Variants in IMPG1 observed in about 807,000 individuals in gnomAD.
IMPG1 encodes interphotoreceptor matrix proteoglycan of 150 kDa.
In IMPG1, 85 loss-of-function variants were observed where a neutral mutation model predicts 92.0. The ratio of observed to expected loss-of-function variants is 0.92; its 90% CI spans 0.78 to 1.11. The LOEUF is 1.11. Among genes scored for constraint, IMPG1 ranks in the 50% least tolerant of loss-of-function variants. The probability of loss-of-function intolerance (pLI) is 0.00; values close to 1 mark genes in which losing one functional copy is unlikely to be tolerated. For synonymous variants in IMPG1, 367 were observed against 334.1 expected, an observed-to-expected ratio of 1.10 and a Z score of -1.08; for missense variants, 1,022 against 956.0, an observed-to-expected ratio of 1.07 and a Z score of -0.91.
At chr6:75,930,682 G>A (rs192141687) in intron 15 of IMPG1, among the ~76,000 whole-genome samples, 90 of 152,180 alleles carry the variant, frequency 5.9e-4, no homozygotes, top group African/African-American at 8.2e-4. Context: ...AACCCTTGCC[G>A]GGAAGCCTAG....
At chr6:75,976,636 G>T (rs1364068328) in intron 12 of IMPG1, among the ~76,000 whole-genome samples, 1 of 152,132 alleles carries the variant, frequency 6.6e-6, no homozygotes, top group Admixed American at 6.5e-5. Flanking sequence ...CCTTGGCCAG[G>T]TGCGGTGTCT....
intron 12 of IMPG1, among the ~76,000 whole-genome samples, chr6:75,995,124 T>C (rs1276981908): frequency 1.3e-5 from 2 of 152,216 alleles, no homozygotes; most frequent in African/African-American, 4.8e-5. Context: ...TCAGAATTTA[T>C]GTTGGTTTTA....
At chr6:75,927,563 A>G (rs976946976) in intron 15 of IMPG1, among the ~76,000 whole-genome samples, 1 of 152,128 alleles carries the variant, frequency 6.6e-6, no homozygotes, top group Non-Finnish European at 1.5e-5. Flanking sequence ...AGTCTGTCTG[A>G]AGTAGCTCAT....
chr6:76,056,065 A>G (rs1784115678), intron 1 of IMPG1, among the ~76,000 whole-genome samples: 2 of 151,944 alleles, frequency 1.3e-5, no homozygotes, highest in African/African-American at 4.8e-5. Flanking sequence ...TTGCTTATGA[A>G]TATGAGTGTA....
At chr6:76,012,200 T>C (rs767423529) in intron 7 of IMPG1, among the ~76,000 whole-genome samples, 3 of 152,150 alleles carry the variant, frequency 2.0e-5, no homozygotes, top group Non-Finnish European at 2.9e-5. Context: ...AGGCCTGTTA[T>C]AATATTTTAT....
intron 10 of IMPG1, among the ~76,000 whole-genome samples, chr6:76,004,605 A>G (rs1177074016): frequency 2.0e-5 from 3 of 152,170 alleles, no homozygotes; most frequent in Non-Finnish European, 1.5e-5. Flanking sequence ...TTTGCCATTT[A>G]CTGAACCTAC....
chr6:76,053,556 G>A (rs1302888426), intron 1 of IMPG1, among the ~76,000 whole-genome samples: 1 of 152,188 alleles, frequency 6.6e-6, no homozygotes, highest in Non-Finnish European at 1.5e-5. Flanking sequence ...GAGACATAAT[G>A]ATTTGTGCCA....
intron 3 of IMPG1, 39 bp downstream of exon 3, chr6:76,034,580 TCG>T: frequency 6.2e-7 from 1 of 1,603,508 alleles, no homozygotes; most frequent in Non-Finnish European, 8.5e-7. Flanking sequence ...TGGGAACTGT[TCG>T]TGCAGTGTTC....
chr6:76,062,034 C>T (rs1395446407), intron 1 of IMPG1, among the ~76,000 whole-genome samples: 1 of 152,124 alleles, frequency 6.6e-6, no homozygotes, highest in Non-Finnish European at 1.5e-5. Flanking sequence ...GTCTTTAAAT[C>T]ATTGTATATT....
chr6:76,054,406 T>C (rs1784087440), intron 1 of IMPG1, among the ~76,000 whole-genome samples: 1 of 152,102 alleles, frequency 6.6e-6, no homozygotes, highest in Non-Finnish European at 1.5e-5. Context: ...CCATGGAATA[T>C]TTGGGACATA....
intron 12 of IMPG1, among the ~76,000 whole-genome samples, chr6:75,958,707 G>GT (rs1257339325): frequency 6.6e-6 from 1 of 151,932 alleles, no homozygotes. Flanking sequence ...TTCTCGTGCT[G>GT]TTTTTTCCGG....
Position 75,997,318 on chromosome 6 carries a change from C to T in IMPG1, c.1291+5600G>A, listed in dbSNP as rs375942631. Among the ~76,000 whole-genome samples, 75 of 152,348 alleles carry T rather than the reference C, an allele frequency of 4.9e-4. 1 individual carries two copies. The highest frequency in any genetic ancestry group is 1.7e-3 in the African/African-American group (70 of 41,576). ...AATATTGACCACTGTTGCCTAAACT[C>T]AGTTCGGCTGAGTTGTTCTTAAAAC... On this transcript the variant is annotated intron_variant, in intron 12 of 16. Transcript: ENST00000369950.
intron 12 of IMPG1, among the ~76,000 whole-genome samples, chr6:76,001,834 A>C (rs148793297): frequency 6.6e-5 from 10 of 152,368 alleles, no homozygotes; most frequent in African/African-American, 2.4e-4. Flanking sequence ...TAATGCAGCA[A>C]TAAATAACCA....
intron 1 of IMPG1, among the ~76,000 whole-genome samples, chr6:76,064,049 C>T (rs1216216467): frequency 6.6e-6 from 1 of 152,170 alleles, no homozygotes; most frequent in African/African-American, 2.4e-5. Context: ...GGGGACTACT[C>T]ATCTCCCTAC....
At chr6:76,009,528 A>G (rs941343464) in intron 8 of IMPG1, among the ~76,000 whole-genome samples, 8 of 152,228 alleles carry the variant, frequency 5.3e-5, no homozygotes, top group African/African-American at 1.9e-4. Context: ...ATTAATGGTT[A>G]CAATTTTGCC....
At chr6:76,041,796 C>A in intron 2 of IMPG1, 97 bp downstream of exon 2, 2 of 748,508 alleles carry the variant, frequency 2.7e-6, no homozygotes, top group East Asian at 2.6e-5. Flanking sequence ...GGCTAAATGA[C>A]AGAACTGGAA....
chr6:75,980,751 T>C (rs1167995458), intron 12 of IMPG1, among the ~76,000 whole-genome samples: 4 of 152,218 alleles, frequency 2.6e-5, no homozygotes, highest in Non-Finnish European at 5.9e-5. Flanking sequence ...ACTCGGGCTG[T>C]CTTCCTTGCT....
intron 2 of IMPG1, among the ~76,000 whole-genome samples, chr6:76,041,617 G>A (rs1783843382): frequency 1.3e-5 from 2 of 152,130 alleles, no homozygotes; most frequent in South Asian, 4.1e-4. Context: ...AAAAAATAAA[G>A]GGGTAAAATC....
intron 10 of IMPG1, among the ~76,000 whole-genome samples, chr6:76,004,686 T>A (rs929049755): frequency 6.6e-6 from 1 of 151,982 alleles, no homozygotes; most frequent in African/African-American, 2.4e-5. Context: ...CACTCTCCCC[T>A]CCCCTCCCTG....
Sources: gnomAD v4.1 joint callset for allele counts (sites outside exome capture counted in the v4.1 genomes callset) on GRCh38, gnomAD v4.1.1 for gene constraint, MANE v1.5 for transcripts, NCBI Gene and HGNC (gene_info 2026-07-23, HGNC 2026-07-21) for gene names.